The following CNTNAP2 variants were observed in gnomAD, a reference collection of about 807,000 sequenced individuals.
CNTNAP2 encodes contactin associated protein 2.
A neutral mutation model predicts 155.2 loss-of-function variants in CNTNAP2; 98 were observed. The ratio of observed to expected loss-of-function variants is 0.63; its 90% CI spans 0.54 to 0.75. The LOEUF is 0.75. Ranked by LOEUF, CNTNAP2 falls within the 30% of genes least tolerant of loss-of-function variation. The pLI is 0.00. For missense variants in CNTNAP2, 1,727 were observed against 1,688.1 expected, an observed-to-expected ratio of 1.02 and a Z score of -0.40; for synonymous variants, 651 against 631.2, an observed-to-expected ratio of 1.03 and a Z score of -0.47.
intron 4 of CNTNAP2, among the ~76,000 whole-genome samples, chr7:147,047,424 C>A (rs1173232980): frequency 6.6e-6 from 1 of 151,372 alleles, no homozygotes; most frequent in African/African-American, 2.4e-5. Flanking sequence ...ATACGTATAC[C>A]TTTTTTTTAA....
At chr7:146,208,372 C>T (rs1277641171) in intron 1 of CNTNAP2, among the ~76,000 whole-genome samples, 1 of 151,994 alleles carries the variant, frequency 6.6e-6, no homozygotes, top group Admixed American at 6.6e-5. Flanking sequence ...TCACTCTCTT[C>T]TGTCAAGAAA....
At chr7:147,662,618 C>T (rs1469440430) in intron 13 of CNTNAP2, among the ~76,000 whole-genome samples, 3 of 152,176 alleles carry the variant, frequency 2.0e-5, no homozygotes, top group African/African-American at 7.2e-5. Context: ...GTGATGAACA[C>T]TTCTTACCTT....
chr7:146,177,491 A>G (rs903731538), intron 1 of CNTNAP2, among the ~76,000 whole-genome samples: 2 of 152,168 alleles, frequency 1.3e-5, no homozygotes, highest in Non-Finnish European at 2.9e-5. Context: ...TGTTCAACTC[A>G]TTTGCTCTTA....
At chr7:146,928,128 C>A (rs903036936) in intron 3 of CNTNAP2, among the ~76,000 whole-genome samples, 3 of 151,844 alleles carry the variant, frequency 2.0e-5, no homozygotes, top group African/African-American at 4.8e-5. Context: ...AGAGGCTAAA[C>A]AAAAGTCATA....
intron 1 of CNTNAP2, among the ~76,000 whole-genome samples, chr7:146,232,212 T>C (rs183571634): frequency 1.3e-5 from 2 of 150,856 alleles, no homozygotes; most frequent in Admixed American, 1.3e-4. Context: ...TTGTTATGTA[T>C]ATAAAAAAGA....
At chr7:147,773,829 G>A (rs1292889179) in intron 13 of CNTNAP2, among the ~76,000 whole-genome samples, 1 of 151,712 alleles carries the variant, frequency 6.6e-6, no homozygotes, top group Non-Finnish European at 1.5e-5. Flanking sequence ...ATTACACTCA[G>A]AGTAATAAAC....
chr7:146,758,291 A>C (rs1802026927), intron 1 of CNTNAP2, among the ~76,000 whole-genome samples: 1 of 152,024 alleles, frequency 6.6e-6, no homozygotes, highest in African/African-American at 2.4e-5. Context: ...AAGATGTAAG[A>C]TCTCCTTTAA....
chr7:146,603,318 A>G (rs1441733737), intron 1 of CNTNAP2, among the ~76,000 whole-genome samples: 8 of 150,794 alleles, frequency 5.3e-5, no homozygotes, highest in African/African-American at 9.7e-5. Flanking sequence ...AGGCTGAGGC[A>G]GGAGAATGGT....
chr7:146,498,379 G>A (rs1797250535), intron 1 of CNTNAP2, among the ~76,000 whole-genome samples: 1 of 151,912 alleles, frequency 6.6e-6, no homozygotes, highest in South Asian at 2.1e-4. Flanking sequence ...TTTTTGTTTT[G>A]TTCTACAGAG....
At chr7:148,322,797 GTT>G (rs71899726) in intron 21 of CNTNAP2, among the ~76,000 whole-genome samples, 29,593 of 135,384 alleles carry the variant, frequency 0.22, 2,977 homozygotes, top group Middle Eastern at 0.29. Flanking sequence ...GTTTTTTGGG[GTT>G]TTTTTTTTTT....
At chr7:146,311,912 G>C (rs1387525499) in intron 1 of CNTNAP2, 2 of 151,748 alleles carry the variant, frequency 1.3e-5, no homozygotes, top group African/African-American at 4.8e-5. Flanking sequence ...ATACCAACTA[G>C]GGAAGACAGA....
At chr7:146,314,448 G>A (rs1211211492) in intron 1 of CNTNAP2, among the ~76,000 whole-genome samples, 1 of 152,154 alleles carries the variant, frequency 6.6e-6, no homozygotes, top group Non-Finnish European at 1.5e-5. Flanking sequence ...CAGAGAAGCT[G>A]AGAGCCAGAG....
chr7:146,672,053 A>T (rs939494004), intron 1 of CNTNAP2, among the ~76,000 whole-genome samples: 21 of 151,910 alleles, frequency 1.4e-4, no homozygotes, highest in African/African-American at 4.8e-4. Context: ...TGACCTCATG[A>T]TCTACCCACC....
chr7:146,301,338 A>C (rs1197802247), intron 1 of CNTNAP2, among the ~76,000 whole-genome samples: 1 of 152,060 alleles, frequency 6.6e-6, no homozygotes, highest in Non-Finnish European at 1.5e-5. Context: ...GAAGACATAC[A>C]TGGTGACCGG....
intron 12 of CNTNAP2, among the ~76,000 whole-genome samples, chr7:147,601,490 GC>G (rs1272672610): frequency 6.6e-6 from 1 of 151,860 alleles, no homozygotes; most frequent in Non-Finnish European, 1.5e-5. Flanking sequence ...GAATGAACAG[GC>G]CATTTTCACG....
intron 9 of CNTNAP2, among the ~76,000 whole-genome samples, chr7:147,379,111 G>A (rs66621494): frequency 0.2 from 31,091 of 151,882 alleles, 3,891 homozygotes; most frequent in Non-Finnish European, 0.28. Context: ...TTCCCCTTCC[G>A]CCATGATTAT....
In CNTNAP2 at chr7:146,899,845, TG is replaced by T. The variant is rs1417203398; in HGVS notation, c.402+59942del. 2.0e-5 allele frequency among the ~76,000 whole-genome samples: 3 copies of T among 152,186 alleles called. No homozygotes were observed. In the East Asian group the frequency reaches 5.8e-4, roughly 29 times the overall value. ...AACAAGTGCTTAGCAAACTGCTCTA[TG>T]TGACAGTGCATTATGATAAGAGCAA... On this transcript the variant is annotated intron_variant, in intron 3 of 23. Coordinates refer to ENST00000361727, the MANE Select transcript of CNTNAP2 (RefSeq NM_014141.6).
chr7:147,021,197 T>C (rs1373670398), intron 3 of CNTNAP2, among the ~76,000 whole-genome samples: 5 of 152,138 alleles, frequency 3.3e-5, no homozygotes, highest in Non-Finnish European at 7.4e-5. Context: ...ATGATTTTTT[T>C]TGGCAATTCT....
At chr7:146,456,190 C>T (rs1052000803) in intron 1 of CNTNAP2, among the ~76,000 whole-genome samples, 1 of 151,984 alleles carries the variant, frequency 6.6e-6, no homozygotes, top group African/African-American at 2.4e-5. Flanking sequence ...TTTGTGAATG[C>T]CAGAAAATAA....
Sources: allele counts gnomAD v4.1 joint callset (sites outside exome capture counted in the v4.1 genomes callset), GRCh38; gene constraint gnomAD v4.1.1; transcripts MANE v1.5; gene names NCBI Gene and HGNC (gene_info 2026-07-23, HGNC 2026-07-21).